EIF6: variants seen among roughly 807,000 people sequenced by gnomAD.
EIF6 encodes eukaryotic translation initiation factor 6.
EIF6 carries 10 observed loss-of-function variants against 25.5 expected under a neutral mutation model. That is an observed-to-expected ratio of 0.39 (90% CI 0.24 to 0.66). EIF6 has a LOEUF of 0.66. EIF6 is among the 30% of genes least tolerant of loss of function. The probability of loss-of-function intolerance (pLI) is 0.45; values close to 1 mark genes in which losing one functional copy is unlikely to be tolerated. For synonymous variants in EIF6, 122 were observed against 122.6 expected (o/e 1.00, Z 0.03); for missense variants, 246 against 315.4 (o/e 0.78, Z 1.67).
chr20:35,284,276 A>C lies in EIF6; in HGVS notation c.108-15T>G. The C allele has an allele frequency of 6.2e-7, 1 of 1,613,410 alleles. No homozygotes were observed. Among genetic ancestry groups the C allele is most frequent in the South Asian group, 1.1e-5 (1 of 91,042 alleles). ...CCTCGAACACACTGTAGGGACATGGACTCGGTGGTGGCGGGGCAGAGGGGC... is the reference window on the plus strand; with the variant it reads ...CCTCGAACACACTGTAGGGACATGGCCTCGGTGGTGGCGGGGCAGAGGGGC... On this transcript the variant is annotated splice_polypyrimidine_tract_variant and intron_variant, in intron 2 of 6. Coordinates refer to ENST00000374450, the MANE Select transcript of EIF6 (RefSeq NM_002212.4).
intron 3 of EIF6, 45 bp from the exon 4 acceptor site, chr20:35,280,874 G>A (rs1187943900): frequency 6.3e-7 from 1 of 1,599,924 alleles, no homozygotes; most frequent in African/African-American, 1.3e-5. Flanking sequence ...GATGCCTGCT[G>A]AGCCCTAGGG....
intron 3 of EIF6, among the ~76,000 whole-genome samples, 156 bp downstream of exon 3, chr20:35,284,020 C>T (rs1160411934): frequency 6.6e-6 from 1 of 152,152 alleles, no homozygotes; most frequent in Non-Finnish European, 1.5e-5. Context: ...AGAGGGTTGC[C>T]CCGATCTCCT....
At position 35,280,262 on chromosome 20, in the gene EIF6, A is replaced by C. The variant is rs1322008838; in HGVS notation, c.370-144T>G. 3 of 923,068 alleles carry C rather than the reference A, an allele frequency of 3.3e-6. No individual in the cohort carries two copies. In the East Asian group the frequency reaches 7.6e-5, roughly 23 times the overall value. The allele number at this position is 923,068 out of a possible 1,614,324, so 57.2% of individuals were successfully genotyped here. ...TCATATGAAAGCCTCACCCAGAGAA[A>C]GGAGGAAGTACAGCTTAGAGCAGAG... On this transcript the variant is annotated intron_variant, in intron 4 of 6. Transcript: ENST00000374450.
In EIF6 at chr20:35,279,726, T is replaced by C. The variant is rs138737811; in HGVS notation, c.568A>G (p.Ser190Gly). ...ACCATCCCAGCAGCAATCACCTCACTGCCTCGGTTCACAGTCCCCGCCTGC... is the reference window on the plus strand; with the variant it reads ...ACCATCCCAGCAGCAATCACCTCACCGCCTCGGTTCACAGTCCCCGCCTGC... ...PLVAGTVNRG[S>G]EVIAAGMVVN... Residue 190 changes from serine to glycine, a missense_variant, in exon 6 of 7, where the codon AGT (serine) becomes GGT (glycine). Transcript: ENST00000374450. The C allele has an allele frequency of 8.1e-6, 13 of 1,614,102 alleles. No individual in the cohort carries two copies. Among genetic ancestry groups the C allele is most frequent in the Middle Eastern group, 3.3e-4 (2 of 6,060 alleles).
rs370547546 is a variant in EIF6 at position 35,284,385 on chromosome 20, A to G, written c.103T>C (p.Tyr35His). 1 of 1,613,890 alleles carries G rather than the reference A, an allele frequency of 6.2e-7. No individual in the cohort carries two copies. The highest frequency in any genetic ancestry group is 1.1e-5 in the South Asian group (1 of 91,082). Residue 35 changes from tyrosine to histidine, a missense_variant, in exon 2 of 7, where the codon TAC (tyrosine) becomes CAC (histidine). By Grantham distance (83) the Tyr-to-His change is moderately conservative (BLOSUM62 2). Transcript: ENST00000374450. ...GCCCCGGGGCTCCCGCCGCACCTGT[A>G]GAAGTTCTCTGAGCCTCCGATCGCT... ...LVAIGGSENF[Y>H]SVFEGELSDT...
At chr20:35,282,349 G>T (rs2060782630) in intron 3 of EIF6, among the ~76,000 whole-genome samples, 2 of 152,216 alleles carry the variant, frequency 1.3e-5, no homozygotes, top group African/African-American at 4.8e-5. Flanking sequence ...CGATGGAATG[G>T]ATGAATACGT....
chr20:35,282,424 A>G (rs1420842537), intron 3 of EIF6, among the ~76,000 whole-genome samples: 1 of 152,218 alleles, frequency 6.6e-6, no homozygotes, highest in East Asian at 1.9e-4. Flanking sequence ...AATACACGCC[A>G]ATCAATTTCT....
intron 3 of EIF6, among the ~76,000 whole-genome samples, chr20:35,282,641 A>C (rs2060786213): frequency 6.6e-6 from 1 of 151,244 alleles, no homozygotes; most frequent in Admixed American, 6.6e-5. Flanking sequence ...TTTCACTCTT[A>C]TTGCCCAGGC....
intron 1 of EIF6, 25 bp from the exon 2 acceptor site, chr20:35,284,517 C>A: frequency 6.4e-7 from 1 of 1,574,178 alleles, no homozygotes; most frequent in Non-Finnish European, 8.7e-7. Context: ...GGCGGGAGTT[C>A]AAGGCCGGCG....
rs1400217837 is a variant in EIF6, at chr20:35,280,960, C to T, written c.194-131G>A. ...AGGCCCAGAGCCCAGCCCTCCAACC[C>T]ACTGATCTGGAAAACACCCAGGGCA... On this transcript the variant is annotated intron_variant, in intron 3 of 6. Coordinates refer to ENST00000374450, the MANE Select transcript of EIF6 (RefSeq NM_002212.4). The T allele has an allele frequency of 4.6e-6, 5 of 1,076,550 alleles. No homozygotes were observed. In the African/African-American group the frequency reaches 7.9e-5, roughly 17 times the overall value. The allele number at this position is 1,076,550 out of a possible 1,614,324, so 66.7% of individuals were successfully genotyped here. A position where few individuals can be genotyped will look rare whatever the true frequency, so the allele number is the denominator to read the frequency against.
rs369629636 is a variant in EIF6, at chr20:35,280,773, T to G, written c.250A>C (p.Ile84Leu). The G allele has an allele frequency of 1.2e-6, 2 of 1,614,076 alleles. No individual in the cohort carries two copies. The highest frequency in any genetic ancestry group is 1.7e-6 in the Non-Finnish European group (2 of 1,180,046). Residue 84 changes from isoleucine to leucine, a missense_variant, in exon 4 of 7, where the codon ATT becomes CTT. Ile to Leu is a conservative substitution (Grantham distance 5). Coordinates refer to ENST00000374450, the MANE Select transcript of EIF6 (RefSeq NM_002212.4). ...NNTTDQELQHIRNSLPDTVQI... is the reference protein window; with the variant it reads ...NNTTDQELQHLRNSLPDTVQI... ...ACTGTGTCTGGGAGGCTGTTGCGAA[T>G]GTGTTGCAGCTCCTGGTCGGTGGTA...
At chr20:35,284,104 G>T (rs573410755) in intron 3 of EIF6, 72 bp downstream of exon 3, 1 of 1,508,116 alleles carries the variant, frequency 6.6e-7, no homozygotes, top group Non-Finnish European at 8.9e-7. Context: ...GGTCACTCCG[G>T]GTTCCCTCCG....
In EIF6 at chr20:35,284,280, G is replaced by T. The variant is rs373403485; in HGVS notation, c.108-19C>A. The stretch of plus-strand genomic sequence containing the variant: ...GAACACACTGTAGGGACATGGACTC[G>T]GTGGTGGCGGGGCAGAGGGGCCGGC... On this transcript the variant is annotated intron_variant, in intron 2 of 6. Coordinates refer to ENST00000374450, the MANE Select transcript of EIF6 (RefSeq NM_002212.4). 1.2e-6 allele frequency: 2 copies of T among 1,613,748 alleles called. No homozygotes were observed. Among genetic ancestry groups the T allele is most frequent in the African/African-American group, 2.7e-5 (2 of 74,918 alleles).
chr20:35,284,071 AGAT>A, intron 3 of EIF6, 102 bp downstream of exon 3: 1 of 1,375,124 alleles, frequency 7.3e-7, no homozygotes, highest in South Asian at 1.4e-5. Context: ...CAGAGATAAC[AGAT>A]GATACCCTGG....
chr20:35,281,407 C>CA (rs951557060), intron 3 of EIF6, among the ~76,000 whole-genome samples: 10 of 147,494 alleles, frequency 6.8e-5, no homozygotes, highest in Non-Finnish European at 1.0e-4. Context: ...AACAAAAAAA[C>CA]AAAAAAAACT....
At chr20:35,280,585 G>A in intron 4 of EIF6, 69 bp downstream of exon 4, 1 of 1,563,468 alleles carries the variant, frequency 6.4e-7, no homozygotes, top group South Asian at 1.2e-5. Flanking sequence ...CTGCCTGTTG[G>A]GAAAGAACAG....
intron 6 of EIF6, 146 bp downstream of exon 6, chr20:35,279,420 C>A: frequency 8.1e-7 from 1 of 1,229,472 alleles, no homozygotes; most frequent in Non-Finnish European, 1.2e-6. Context: ...CTTATCTGCT[C>A]AGCAGTGTAC....
At position 35,284,456 on chromosome 20, in the gene EIF6, C is replaced by G; in HGVS notation, c.32G>C (p.Cys11Ser). 1 of 1,611,362 alleles carries G rather than the reference C, an allele frequency of 6.2e-7. No individual in the cohort carries two copies. The highest frequency in any genetic ancestry group is 2.2e-5 in the East Asian group (1 of 44,804). MAVRASFENN[C>S]EIGCFAKLTN... ...GAGCTTGGCAAAGCAGCCGATCTCA[C>G]AGTTGTTCTCGAACGAAGCTCGGAC... is the stretch of plus-strand genomic sequence containing the variant. Residue 11 changes from cysteine to serine, a missense_variant, in exon 2 of 7, where the codon TGT (cysteine) becomes TCT (serine). Physicochemically the swap from Cys to Ser is moderately radical, Grantham distance 112. Transcript: ENST00000374450.
At position 35,279,727 on chromosome 20, in the gene EIF6, G is replaced by A; in HGVS notation, c.567C>T (p.Gly189=). Residue 189 remains glycine, a synonymous_variant, in exon 6 of 7, where the codon GGC becomes GGT. Coordinates refer to ENST00000374450, the MANE Select transcript of EIF6 (RefSeq NM_002212.4). ...CCATCCCAGCAGCAATCACCTCACT[G>A]CCTCGGTTCACAGTCCCCGCCTGCC... is the stretch of plus-strand genomic sequence containing the variant. ...VPLVAGTVNR[G]SEVIAAGMVV... 1 of 1,614,114 alleles carries A rather than the reference G, an allele frequency of 6.2e-7. No individual in the cohort carries two copies.
Sources: allele counts gnomAD v4.1 joint callset (sites outside exome capture counted in the v4.1 genomes callset), GRCh38; gene constraint gnomAD v4.1.1; transcripts MANE v1.5; gene names NCBI Gene and HGNC (gene_info 2026-07-23, HGNC 2026-07-21).